FAM174B: variants seen among roughly 807,000 people sequenced by gnomAD.
FAM174B encodes family with sequence similarity 174 member B, also known as membrane protein FAM174B.
FAM174B carries 12 observed loss-of-function variants against 10.9 expected under a neutral mutation model. The observed-to-expected ratio is 1.10, with a 90% confidence interval of 0.71 to 1.79. The LOEUF (loss-of-function observed/expected upper bound fraction) is 1.79. Ranked by LOEUF, FAM174B falls within the 40% of genes most tolerant of loss-of-function variation. FAM174B has a pLI of 0.00. For missense variants in FAM174B, 266 were observed against 233.3 expected (o/e 1.14, Z -0.91); for synonymous variants, 132 against 115.8 (o/e 1.14, Z -0.90).
chr15:92,626,919 G>C (rs2141950779), intron 2 of FAM174B, among the ~76,000 whole-genome samples: 1 of 152,230 alleles, frequency 6.6e-6, no homozygotes, highest in African/African-American at 2.4e-5. Context: ...GGGCATGGTG[G>C]CACATGCCTG....
chr15:92,651,457 A>G (rs981054630), intron 1 of FAM174B, among the ~76,000 whole-genome samples: 2 of 152,238 alleles, frequency 1.3e-5, no homozygotes, highest in Non-Finnish European at 2.9e-5. Flanking sequence ...ATAAAAAAAT[A>G]TGATAATCAC....
At chr15:92,638,419 A>G (rs1398632874) in intron 1 of FAM174B, among the ~76,000 whole-genome samples, 2 of 152,204 alleles carry the variant, frequency 1.3e-5, no homozygotes. Flanking sequence ...TCCCACTTAT[A>G]CAAACAAGGA....
chr15:92,655,391 G>A lies in FAM174B; in HGVS notation c.269C>T (p.Thr90Ile), dbSNP rs760714683. The A allele has an allele frequency of 1.2e-5, 19 of 1,595,136 alleles. No homozygotes were observed. The African/African-American group carries it at 1.8e-4, about 15-fold the overall frequency. ...RISILLRDLP[T>I]LKAAVIVAFA... ...CGCCACGATCACGGCTGCCTTGAGG[G>A]TGGGTAGGTCGCGGAGGAGGATGGA... is the stretch of plus-strand genomic sequence containing the variant. Residue 90 changes from threonine to isoleucine, a missense_variant, in exon 1 of 3, where the codon ACC becomes ATC. Transcript: ENST00000327355.
chr15:92,630,421 C>G, intron 1 of FAM174B, 76 bp from the exon 2 acceptor site: 1 of 1,387,210 alleles, frequency 7.2e-7, no homozygotes, highest in Non-Finnish European at 9.9e-7. Context: ...CCCAGAGGAC[C>G]CGACAGCAAC....
intron 2 of FAM174B, among the ~76,000 whole-genome samples, chr15:92,620,211 A>G (rs1165179265): frequency 2.6e-5 from 4 of 152,240 alleles, no homozygotes; most frequent in Non-Finnish European, 5.9e-5. Context: ...AAACATAAGA[A>G]GTACAAGAAA....
intron 1 of FAM174B, among the ~76,000 whole-genome samples, chr15:92,645,290 T>C (rs755548738): frequency 1.3e-5 from 2 of 152,250 alleles, no homozygotes; most frequent in Non-Finnish European, 2.9e-5. Flanking sequence ...GTGTTAGCAC[T>C]GTTGGTTGAC....
In FAM174B at chr15:92,655,372, G is replaced by A. The variant is rs376348984; in HGVS notation, c.288C>T (p.Ile96=). Reference sequence around the variant, plus strand: ...GGAGGGTGGTAAAGGCGAACGCCACGATCACGGCTGCCTTGAGGGTGGGTA... The same window carrying A: ...GGAGGGTGGTAAAGGCGAACGCCACAATCACGGCTGCCTTGAGGGTGGGTA... The part of the protein sequence containing the change: ...RDLPTLKAAV[I]VAFAFTTLLI... Residue 96 remains isoleucine, a synonymous_variant, in exon 1 of 3, where the codon ATC becomes ATT. Transcript: ENST00000327355. 8 of 1,591,612 alleles carry A rather than the reference G, an allele frequency of 5.0e-6. No individual in the cohort carries two copies. Among genetic ancestry groups the A allele is most frequent in the African/African-American group, 1.4e-5 (1 of 72,522 alleles).
intron 1 of FAM174B, among the ~76,000 whole-genome samples, chr15:92,650,507 C>T (rs1266070873): frequency 6.6e-6 from 1 of 152,194 alleles, no homozygotes; most frequent in Non-Finnish European, 1.5e-5. Flanking sequence ...TTCGGAGACT[C>T]TCCAAGACTG....
chr15:92,638,394 G>GT (rs2050869243), intron 1 of FAM174B, among the ~76,000 whole-genome samples: 1 of 152,206 alleles, frequency 6.6e-6, no homozygotes, highest in Admixed American at 6.5e-5. Flanking sequence ...CAGGTTTCGT[G>GT]TGAGTGCTCA....
Position 92,630,411 on chromosome 15 carries a change from C to G in FAM174B, c.345-66G>C. 3 of 1,478,196 alleles carry G rather than the reference C, an allele frequency of 2.0e-6. No individual in the cohort carries two copies. In the Admixed American group the frequency reaches 6.0e-5, roughly 29 times the overall value. 91.6% of individuals were successfully genotyped at this position (1,478,196 alleles called of 1,614,324 possible). ...GAGAAAGAGTCACTGGGCCCCAAGC[C>G]CCAGAGGACCCGACAGCAACTTAGC... On this transcript the variant is annotated intron_variant, in intron 1 of 2. Transcript: ENST00000327355.
chr15:92,651,125 C>T (rs141967739), intron 1 of FAM174B, among the ~76,000 whole-genome samples: 205 of 152,274 alleles, frequency 1.3e-3, no homozygotes, highest in Non-Finnish European at 2.1e-3. Context: ...AAATTATACC[C>T]ATCAGATTGG....
rs1248486462 is a variant in FAM174B at position 92,655,515 on chromosome 15, G to A, written c.145C>T (p.Pro49Ser). Residue 49 changes from proline (P) to serine (S), a missense_variant, in exon 1 of 3, where the codon CCG (proline) becomes TCG (serine). By Grantham distance (74) the Pro-to-Ser change is moderately conservative. Transcript: ENST00000327355. Reference protein sequence around the residue: ...PERESRPPPGPGPGNTTRFGS... With the variant: ...PERESRPPPGSGPGNTTRFGS... ...AACCGGGTGGTGTTCCCGGGCCCCG[G>A]GCCGGGCGGTGGCCGCGACTCGCGC... is the stretch of plus-strand genomic sequence containing the variant. The A allele has an allele frequency of 3.3e-6, 5 of 1,499,192 alleles. No individual in the cohort carries two copies. The highest frequency in any genetic ancestry group is 4.4e-6 in the Non-Finnish European group (5 of 1,124,792). 92.9% of individuals were successfully genotyped at this position (1,499,192 alleles called of 1,614,324 possible). A position where few individuals can be genotyped will look rare whatever the true frequency, so the allele number is the denominator to read the frequency against.
At chr15:92,643,344 ATGTGTGTGTGTGTG>A in intron 1 of FAM174B, among the ~76,000 whole-genome samples, 1 of 138,180 alleles carries the variant, frequency 7.2e-6, no homozygotes, top group African/African-American at 2.6e-5. Flanking sequence ...TAGGGAAGGA[ATGTGTGTGTGTGTG>A]TGTGTGTGTG....
chr15:92,628,167 CA>C (rs2050765979), intron 2 of FAM174B, among the ~76,000 whole-genome samples: 1 of 138,450 alleles, frequency 7.2e-6, no homozygotes. Context: ...GTTTTTTTCC[CA>C]AAATTTTTTT....
chr15:92,644,649 T>C (rs891824730), intron 1 of FAM174B, among the ~76,000 whole-genome samples: 5 of 152,126 alleles, frequency 3.3e-5, no homozygotes, highest in African/African-American at 1.2e-4. Flanking sequence ...TGGCTCAACA[T>C]ACCAGGTCAA....
At chr15:92,648,992 T>C (rs1341695359) in intron 1 of FAM174B, among the ~76,000 whole-genome samples, 1 of 152,236 alleles carries the variant, frequency 6.6e-6, no homozygotes. Flanking sequence ...ACACAATCCA[T>C]GAAGGCTTCT....
At position 92,618,271 on chromosome 15, in the gene FAM174B, G is replaced by T. The variant is rs11552662; in HGVS notation, c.*1185C>A. ...TCTTTGTTGCAGCCAATCACCTCTA[G>T]CCTGGGAACACCGCTAGTCAGGAGG... On this transcript the variant is annotated 3_prime_UTR_variant, in exon 3 of 3. Coordinates refer to ENST00000327355, the MANE Select transcript of FAM174B (RefSeq NM_207446.3). 0.26 allele frequency: 39,465 copies of T among 152,750 alleles called. 5,907 individuals are homozygous for T. Among genetic ancestry groups the T allele is most frequent in the Non-Finnish European group, 0.35 (23,560 of 68,152 alleles). 9.5% of individuals were successfully genotyped at this position (152,750 alleles called of 1,614,324 possible). A position where few individuals can be genotyped will look rare whatever the true frequency, so the allele number is the denominator to read the frequency against.
chr15:92,630,737 T>C (rs977827866), intron 1 of FAM174B, among the ~76,000 whole-genome samples: 4 of 103,834 alleles, frequency 3.9e-5, no homozygotes, highest in Non-Finnish European at 5.4e-5. Context: ...TATATAATTA[T>C]ATATTTTTTA....
chr15:92,627,979 C>T (rs1167756862), intron 2 of FAM174B, among the ~76,000 whole-genome samples: 3 of 152,162 alleles, frequency 2.0e-5, no homozygotes, highest in Non-Finnish European at 2.9e-5. Flanking sequence ...CCTGCAAAGA[C>T]CAAAATCCAC....
Sources: allele counts gnomAD v4.1 joint callset (sites outside exome capture counted in the v4.1 genomes callset), GRCh38; gene constraint gnomAD v4.1.1; transcripts MANE v1.5; gene names NCBI Gene and HGNC (gene_info 2026-07-23, HGNC 2026-07-21).